The following NBR1 variants were observed in gnomAD, a reference collection of about 807,000 sequenced individuals.
NBR1 encodes next to BRCA1 gene 1 protein.
A neutral mutation model predicts 115.5 loss-of-function variants in NBR1; 59 were observed. The ratio of observed to expected loss-of-function variants is 0.51; its 90% CI spans 0.41 to 0.63. The LOEUF (loss-of-function observed/expected upper bound fraction) is 0.63. Among genes scored for constraint, NBR1 ranks in the 30% least tolerant of loss-of-function variants. The pLI is 0.00. For missense variants in NBR1, 1,043 were observed against 1,150.5 expected (o/e 0.91, Z 1.35); for synonymous variants, 373 against 414.7 (o/e 0.90, Z 1.22).
At chr17:43,199,552 T>C (rs2057148057) in intron 16 of NBR1, among the ~76,000 whole-genome samples, 1 of 152,054 alleles carries the variant, frequency 6.6e-6, no homozygotes, top group Admixed American at 6.6e-5. Flanking sequence ...TTTTTTTGTA[T>C]TTTTAGTAGA....
At chr17:43,181,485 C>T (rs1383366282) in intron 5 of NBR1, among the ~76,000 whole-genome samples, 1 of 149,238 alleles carries the variant, frequency 6.7e-6, no homozygotes, top group South Asian at 2.2e-4. Flanking sequence ...TCCTGGCTAA[C>T]GTGGTGAAAC....
intron 5 of NBR1, 35 bp from the exon 6 acceptor site, chr17:43,186,215 G>A (rs748932273): frequency 2.8e-5 from 43 of 1,514,088 alleles, no homozygotes; most frequent in African/African-American, 1.4e-4. Context: ...AGATAATCAC[G>A]TCGCATGTTT....
intron 8 of NBR1, chr17:43,190,045 C>T (rs978825406): frequency 4.2e-5 from 21 of 504,600 alleles, no homozygotes; most frequent in South Asian, 9.3e-5. Context: ...TTCCCCTGAA[C>T]GGACAAAATT....
chr17:43,201,860 C>T (rs2057207146), intron 18 of NBR1, 80 bp downstream of exon 18: 5 of 828,318 alleles, frequency 6.0e-6, no homozygotes, highest in South Asian at 3.1e-5. Context: ...TCTCTCTCTT[C>T]GTGATTCTTG....
At chr17:43,187,544 CT>C (rs1265158018) in intron 6 of NBR1, among the ~76,000 whole-genome samples, 1 of 130,084 alleles carries the variant, frequency 7.7e-6, no homozygotes, top group Non-Finnish European at 1.6e-5. Context: ...AGTCTTGCAC[CT>C]TCGCCCTGGC....
At chr17:43,189,348 C>T (rs1332624511) in intron 7 of NBR1, among the ~76,000 whole-genome samples, 1 of 152,158 alleles carries the variant, frequency 6.6e-6, no homozygotes, top group Non-Finnish European at 1.5e-5. Flanking sequence ...AGGGACAACT[C>T]TCTGCTTGAG....
intron 16 of NBR1, among the ~76,000 whole-genome samples, chr17:43,198,667 A>G (rs1054947808): frequency 1.3e-5 from 2 of 148,920 alleles, no homozygotes; most frequent in Admixed American, 1.3e-4. Flanking sequence ...AAAAAATAAT[A>G]AAGTGTACAT....
intron 17 of NBR1, among the ~76,000 whole-genome samples, chr17:43,200,867 G>GTTT (rs556106085): frequency 3.6e-4 from 44 of 123,616 alleles, no homozygotes; most frequent in African/African-American, 5.2e-4. Context: ...AGCTGGTTGT[G>GTTT]TTTTTTTTTT....
rs780685398 is a variant in NBR1 at position 43,191,303 on chromosome 17, A to C, written c.864-69A>C. ...GGAAGCTGACACTGATGGAAATTGC[A>C]ATTGGCTCCACATAGCTTCAGAATT... On this transcript the variant is annotated intron_variant, in intron 9 of 20. Coordinates refer to ENST00000590996, the MANE Select transcript of NBR1 (RefSeq NM_005899.5). The C allele has an allele frequency of 4.5e-5, 50 of 1,122,790 alleles. No individual in the cohort carries two copies. The Admixed American group carries it at 6.4e-4, about 14-fold the overall frequency. 69.6% of individuals were successfully genotyped at this position (1,122,790 alleles called of 1,614,324 possible). A position where few individuals can be genotyped will look rare whatever the true frequency, so the allele number is the denominator to read the frequency against.
At position 43,200,501 on chromosome 17, in the gene NBR1, G is replaced by A. The variant is rs778685667; in HGVS notation, c.2361G>A (p.Glu787=). 6.2e-7 allele frequency: 1 copy of A among 1,613,334 alleles called. No homozygotes were observed. The highest frequency in any genetic ancestry group is 1.3e-5 in the African/African-American group (1 of 75,040). Reference sequence around the variant, plus strand: ...CTGGGGAAAGACTCCCTGGAGGGGAGAACCAGCCACAGGAGCACAGCATAA... The same window carrying A: ...CTGGGGAAAGACTCCCTGGAGGGGAAAACCAGCCACAGGAGCACAGCATAA... ...AEAGERLPGG[E]NQPQEHSISD... The change falls in exon 17 of 21, where the codon GAG becomes GAA. Residue 787 remains glutamate, a synonymous_variant. Transcript: ENST00000590996.
In NBR1 at chr17:43,200,377, TG is replaced by T; in HGVS notation, c.2242del (p.Asp748IlefsTer48). ...LPECFDTSRP[L>X]GDSMYSSALS... ...GAGTGCTTTGATACCAGCCGCCCCC[TG>T]GGGGATTCTATGTACAGCTCTGCGC... On this transcript the variant is annotated frameshift_variant, in exon 17 of 21. Transcript: ENST00000590996. LOFTEE classifies it high-confidence loss of function. The T allele has an allele frequency of 6.3e-7, 1 of 1,576,814 alleles. No homozygotes were observed. The highest frequency in any genetic ancestry group is 1.9e-5 in the Admixed American group (1 of 53,218).
chr17:43,193,568 A>G lies in NBR1; in HGVS notation c.1454A>G (p.Glu485Gly), dbSNP rs1174961319. 1 of 1,612,602 alleles carries G rather than the reference A, an allele frequency of 6.2e-7. No individual in the cohort carries two copies. The highest frequency in any genetic ancestry group is 8.5e-7 in the Non-Finnish European group (1 of 1,179,338). Residue 485 changes from glutamate to glycine, a missense_variant, in exon 12 of 21, where the codon GAG becomes GGG. Physicochemically the swap from Glu to Gly is moderately conservative, Grantham distance 98. Transcript: ENST00000590996. The stretch of plus-strand genomic sequence containing the variant: ...ATAGTAGATCCTTTCCCCTCCGAAG[A>G]GAGCCCTGATAACATTGAAAAGGGC... ...SIIVDPFPSE[E>G]SPDNIEKGMI... is the part of the protein sequence containing the mutation.
intron 1 of NBR1, among the ~76,000 whole-genome samples, chr17:43,172,971 G>A (rs1297493948): frequency 6.6e-6 from 1 of 150,696 alleles, no homozygotes; most frequent in Non-Finnish European, 1.5e-5. Context: ...AACTACGGGC[G>A]CCCACCACCA....
At chr17:43,208,939 C>T (rs896967441) in intron 20 of NBR1, among the ~76,000 whole-genome samples, 1 of 152,094 alleles carries the variant, frequency 6.6e-6, no homozygotes, top group African/African-American at 2.4e-5. Flanking sequence ...TGCACACCAG[C>T]CTGGGGAACA....
intron 20 of NBR1, among the ~76,000 whole-genome samples, chr17:43,208,691 C>T (rs1325260055): frequency 2.0e-5 from 3 of 152,140 alleles, no homozygotes; most frequent in East Asian, 1.9e-4. Context: ...AGAGGCCAGG[C>T]GAGGTGGCTC....
intron 6 of NBR1, among the ~76,000 whole-genome samples, chr17:43,187,886 C>CTTTTTTT (rs66857389): frequency 1.4e-4 from 8 of 58,866 alleles, no homozygotes; most frequent in African/African-American, 2.7e-4. Flanking sequence ...TTGCATTTCT[C>CTTTTTTT]TTTTTTTTTT....
At chr17:43,201,623 A>G (rs976471128) in intron 17 of NBR1, 63 bp from the exon 18 acceptor site, 8 of 955,198 alleles carry the variant, frequency 8.4e-6, no homozygotes, top group South Asian at 2.7e-5. Context: ...TGTGTTTACT[A>G]TTTCTCCACT....
chr17:43,181,340 C>A (rs1370473535), intron 5 of NBR1, among the ~76,000 whole-genome samples: 2 of 152,224 alleles, frequency 1.3e-5, no homozygotes, highest in African/African-American at 4.8e-5. Flanking sequence ...AGTCCCATCT[C>A]TTTGCTGGTC....
intron 1 of NBR1, among the ~76,000 whole-genome samples, chr17:43,175,162 T>G (rs1288238304): frequency 6.6e-6 from 1 of 151,982 alleles, no homozygotes; most frequent in African/African-American, 2.4e-5. Context: ...ACATAGTAAC[T>G]TGGATGGAGG....
Sources: allele counts gnomAD v4.1 joint callset (sites outside exome capture counted in the v4.1 genomes callset), GRCh38; gene constraint gnomAD v4.1.1; transcripts MANE v1.5; gene names NCBI Gene and HGNC (gene_info 2026-07-23, HGNC 2026-07-21).